Variants in FLNB observed in about 807,000 individuals in gnomAD.
FLNB encodes the protein filamin B.
Under a neutral mutation model 250.6 loss-of-function variants are expected in FLNB, and 111 were observed. That is an observed-to-expected ratio of 0.44 (90% confidence interval 0.38 to 0.52). The LOEUF (loss-of-function observed/expected upper bound fraction) is 0.52, where lower values mean the gene tolerates loss of function less well. Among genes scored for constraint, FLNB ranks in the 20% least tolerant of loss-of-function variants. FLNB has a pLI of 0.00. For synonymous variants in FLNB, 1,302 were observed against 1,372.1 expected, an observed-to-expected ratio of 0.95 and a Z score of 1.13; for missense variants, 2,869 against 3,447.8, an observed-to-expected ratio of 0.83 and a Z score of 4.20.
intron 8 of FLNB, among the ~76,000 whole-genome samples, chr3:58,100,661 G>A (rs1210278533): frequency 1.4e-5 from 2 of 144,398 alleles, no homozygotes; most frequent in African/African-American, 5.2e-5. Context: ...GTGGTGGTGT[G>A]ATCTTGGCTC....
At chr3:58,106,325 G>A (rs1049408714) in intron 11 of FLNB, among the ~76,000 whole-genome samples, 3 of 138,716 alleles carry the variant, frequency 2.2e-5, no homozygotes, top group African/African-American at 8.0e-5. Flanking sequence ...GTTGGATGAT[G>A]ATAAAATACA....
intron 27 of FLNB, among the ~76,000 whole-genome samples, chr3:58,135,647 TAATA>T (rs2097314664): frequency 2.0e-5 from 3 of 152,256 alleles, no homozygotes; most frequent in African/African-American, 7.2e-5. Context: ...ATGGTCCTGT[TAATA>T]AAGAGAAAAG....
chr3:58,105,152 T>C lies in FLNB; in HGVS notation c.1683T>C (p.Gly561=). 6.2e-7 allele frequency: 1 copy of C among 1,614,172 alleles called. No homozygotes were observed. The highest frequency in any genetic ancestry group is 8.5e-7 in the Non-Finnish European group (1 of 1,180,024). Residue 561 remains glycine (G), a synonymous_variant, in exon 11 of 46, where the codon GGT becomes GGC. Coordinates refer to ENST00000295956, the MANE Select transcript of FLNB (RefSeq NM_001457.4). ...GTGCTTGGGGCCCTGGGCTCCATGG[T>C]GGGATTGTCGGGCGGTCAGCGGACT... ...KVRAWGPGLH[G]GIVGRSADFV...
chr3:58,022,014 C>G (rs550705016), intron 1 of FLNB, among the ~76,000 whole-genome samples: 1 of 152,134 alleles, frequency 6.6e-6, no homozygotes, highest in South Asian at 2.1e-4. Flanking sequence ...CTCAAGCGAT[C>G]TGCCTGCCTC....
chr3:58,148,480 C>A, intron 35 of FLNB, 116 bp downstream of exon 35: 1 of 1,323,108 alleles, frequency 7.6e-7, no homozygotes, highest in Non-Finnish European at 1.1e-6. Context: ...GATAAACCTG[C>A]TGGGTCACAC....
Position 58,164,657 on chromosome 3 carries a change from C to A in FLNB, c.7198+1327C>A, listed in dbSNP as rs2097367401. The A allele has an allele frequency of 6.6e-6, 1 of 152,260 alleles. No homozygotes were observed. The highest frequency in any genetic ancestry group is 2.4e-5 in the African/African-American group (1 of 41,456). The allele number at this position is 152,260 out of a possible 1,614,324, so 9.4% of individuals were successfully genotyped here. On this transcript the variant is annotated intron_variant, in intron 43 of 45. Transcript: ENST00000295956. This position sits in a 1 kb window ranked among gnomAD's most constrained non-coding sequence, Gnocchi z 4.0. ...CAAAGCAGTGGCCTCAGCAAAGCCA[C>A]CCACAGGGGTGGTGTGAGTGCTGCC...
At position 58,095,999 on chromosome 3, in the gene FLNB, G is replaced by C. The variant is rs548219373; in HGVS notation, c.907-142G>C. On this transcript the variant is annotated intron_variant, in intron 5 of 45. Coordinates refer to ENST00000295956, the MANE Select transcript of FLNB (RefSeq NM_001457.4). ...GTGACTTCAAGCAGTTTCTCTCTAG[G>C]GGCGTTGTGCAAGAGGGACAGGAGC... 4.3e-6 allele frequency: 3 copies of C among 701,590 alleles called. No individual in the cohort carries two copies. In the Admixed American group the frequency reaches 6.0e-5, roughly 14 times the overall value. The allele number at this position is 701,590 out of a possible 1,614,324, so 43.5% of individuals were successfully genotyped here.
At position 58,125,676 on chromosome 3, in the gene FLNB, C is replaced by T; in HGVS notation, c.3994C>T (p.Gln1332Ter). Residue 1332 changes from glutamine (Q) to a stop codon, truncating the protein, a stop_gained, in exon 23 of 46, where the codon CAA becomes TAA. Transcript: ENST00000295956. LOFTEE classifies it high-confidence loss of function. ...VTEGCQPSRV[Q>*]AQGPGLKEAF... is the part of the protein sequence containing the mutation. ...TGAAGGCTGCCAGCCATCTAGGGTG[C>T]AAGCCCAAGGACCTGGATTGAAAGA... 6.2e-7 allele frequency: 1 copy of T among 1,614,198 alleles called. No homozygotes were observed. The highest frequency in any genetic ancestry group is 2.2e-5 in the East Asian group (1 of 44,882).
At chr3:58,100,219 A>G (rs1326468982) in intron 8 of FLNB, among the ~76,000 whole-genome samples, 1 of 151,806 alleles carries the variant, frequency 6.6e-6, no homozygotes, top group African/African-American at 2.4e-5. Context: ...TCCTAATTCT[A>G]CTATTGTTTT....
chr3:58,123,731 A>C, intron 21 of FLNB, 41 bp downstream of exon 21: 1 of 1,471,182 alleles, frequency 6.8e-7, no homozygotes, highest in Non-Finnish European at 9.3e-7. Context: ...AAAAAAGACA[A>C]GCTGGGACTT....
At chr3:58,082,878 G>A (rs2097211224) in intron 4 of FLNB, among the ~76,000 whole-genome samples, 1 of 152,044 alleles carries the variant, frequency 6.6e-6, no homozygotes, top group African/African-American at 2.4e-5. Flanking sequence ...TACCATTCTA[G>A]CTTAATAGTT....
chr3:58,104,837 G>A (rs1230477442), intron 10 of FLNB, among the ~76,000 whole-genome samples: 1 of 152,196 alleles, frequency 6.6e-6, no homozygotes, highest in Non-Finnish European at 1.5e-5. Flanking sequence ...GCAAAGCAGC[G>A]TGGCTTGAGT....
chr3:58,159,548 T>G lies in FLNB; in HGVS notation c.6889-6T>G. ...CCATAACCTGTCTGATGTATTAAAT[T>G]CTCAGGAATCGGGATTAAAAGTTAA... On this transcript the variant is annotated splice_polypyrimidine_tract_variant and splice_region_variant and intron_variant, in intron 41 of 45. Coordinates refer to ENST00000295956, the MANE Select transcript of FLNB (RefSeq NM_001457.4). The G allele has an allele frequency of 6.2e-7, 1 of 1,614,090 alleles. No homozygotes were observed. Among genetic ancestry groups the G allele is most frequent in the East Asian group, 2.2e-5 (1 of 44,878 alleles).
chr3:58,065,447 A>G (rs1443109880), intron 1 of FLNB, among the ~76,000 whole-genome samples: 1 of 152,236 alleles, frequency 6.6e-6, no homozygotes, highest in Non-Finnish European at 1.5e-5. Flanking sequence ...GTTTCCATCT[A>G]GATTCTCCCC....
chr3:58,152,733 C>G (rs1342950585), intron 38 of FLNB: 16 of 1,338,120 alleles, frequency 1.2e-5, no homozygotes, highest in Non-Finnish European at 1.6e-5. Flanking sequence ...ACTGCTCTGC[C>G]CAGATCCTGT....
At chr3:58,040,494 C>CT (rs970378411) in intron 1 of FLNB, among the ~76,000 whole-genome samples, 6 of 151,928 alleles carry the variant, frequency 3.9e-5, no homozygotes, top group Non-Finnish European at 1.5e-5. Flanking sequence ...GACATGGTTT[C>CT]TTTTTTTTAT....
At chr3:58,036,599 A>G (rs891115915) in intron 1 of FLNB, among the ~76,000 whole-genome samples, 1 of 152,196 alleles carries the variant, frequency 6.6e-6, no homozygotes, top group Non-Finnish European at 1.5e-5. Flanking sequence ...TACAGTAGTG[A>G]TGTTATCTCC....
At chr3:58,023,246 G>A (rs1576596430) in intron 1 of FLNB, among the ~76,000 whole-genome samples, 1 of 151,148 alleles carries the variant, frequency 6.6e-6, no homozygotes, top group East Asian at 1.9e-4. Flanking sequence ...CTACAGGCAC[G>A]TGCCACCATG....
chr3:58,020,177 G>A (rs1343942091), intron 1 of FLNB, among the ~76,000 whole-genome samples: 1 of 151,930 alleles, frequency 6.6e-6, no homozygotes, highest in African/African-American at 2.4e-5. Flanking sequence ...GCTCTGTCAG[G>A]AATGAGTTCA....
Sources: gnomAD v4.1 joint callset for allele counts (sites outside exome capture counted in the v4.1 genomes callset) on GRCh38, gnomAD v4.1.1 for gene constraint, Gnocchi (gnomAD v3.1) non-coding constraint, MANE v1.5 for transcripts, NCBI Gene and HGNC (gene_info 2026-07-23, HGNC 2026-07-21) for gene names.